FGFR2: variants seen among roughly 807,000 people sequenced by gnomAD.
The protein encoded by FGFR2 is fibroblast growth factor receptor 2, also known as BEK fibroblast growth factor receptor.
Under a neutral mutation model 95.9 loss-of-function variants are expected in FGFR2, and 19 were observed. That is an observed-to-expected ratio of 0.20 (90% confidence interval 0.14 to 0.29). FGFR2 has a LOEUF of 0.29. FGFR2 is among the 10% of genes least tolerant of loss of function. FGFR2 has a pLI of 1.00. For missense variants in FGFR2, 707 were observed against 1,056.9 expected, an observed-to-expected ratio of 0.67 and a Z score of 4.59; for synonymous variants, 392 against 393.3, an observed-to-expected ratio of 1.00 and a Z score of 0.04.
intron 13 of FGFR2, among the ~76,000 whole-genome samples, chr10:121,495,746 C>G (rs1292440280): frequency 6.6e-6 from 1 of 152,148 alleles, no homozygotes; most frequent in Non-Finnish European, 1.5e-5. Context: ...TTTGGGGACC[C>G]AAGGAATTCC....
In FGFR2 at chr10:121,517,223, TAA is replaced by T; in HGVS notation, c.1084+94_1084+95del. ...CATTTTTTATATCTTTATGCAAGGATAAAAGGGGCCATTTCTGATAACAGAAG... is the reference window on the plus strand; with the variant it reads ...CATTTTTTATATCTTTATGCAAGGATAAGGGGCCATTTCTGATAACAGAAG... On this transcript the variant is annotated intron_variant, in intron 8 of 17. Coordinates refer to ENST00000358487, the MANE Select transcript of FGFR2 (RefSeq NM_000141.5). The surrounding 1 kb of genome is among the most constrained non-coding windows in gnomAD (Gnocchi z 4.7). 7.4e-7 allele frequency: 1 copy of T among 1,353,460 alleles called. No individual in the cohort carries two copies. Among genetic ancestry groups the T allele is most frequent in the Non-Finnish European group, 1.1e-6 (1 of 945,570 alleles). 83.8% of individuals were successfully genotyped at this position (1,353,460 alleles called of 1,614,324 possible). A position where few individuals can be genotyped will look rare whatever the true frequency, so the allele number is the denominator to read the frequency against.
intron 2 of FGFR2, among the ~76,000 whole-genome samples, chr10:121,572,065 G>A (rs578161141): frequency 6.7e-6 from 1 of 150,222 alleles, no homozygotes; most frequent in Non-Finnish European, 1.5e-5. Flanking sequence ...TACAATCCCA[G>A]CACTTTGGGA....
intron 5 of FGFR2, among the ~76,000 whole-genome samples, chr10:121,550,738 C>A (rs1252392672): frequency 6.6e-6 from 1 of 152,148 alleles, no homozygotes. Flanking sequence ...ACTTTCGACC[C>A]TTCTGTTATT....
intron 6 of FGFR2, chr10:121,530,174 C>T (rs1277509471): frequency 3.9e-5 from 6 of 152,266 alleles, no homozygotes; most frequent in Non-Finnish European, 8.8e-5. Flanking sequence ...AACCCTACAG[C>T]ATCCTACCTT....
At position 121,531,502 on chromosome 10, in the gene FGFR2, A is replaced by G. The variant is rs1852073435; in HGVS notation, c.748+7090T>C. On this transcript the variant is annotated intron_variant, in intron 6 of 17. Transcript: ENST00000358487. The surrounding 1 kb of genome is among the most constrained non-coding windows in gnomAD (Gnocchi z 4.5). ...AAGGACAGGACTGACCCCTCCTTTC[A>G]TCAGGATGGGCTCAGGGTGCACGGC... Among the ~76,000 whole-genome samples the G allele has an allele frequency of 6.6e-6, 1 of 152,208 alleles. No individual in the cohort carries two copies. The highest frequency in any genetic ancestry group is 2.4e-5 in the African/African-American group (1 of 41,460).
intron 13 of FGFR2, among the ~76,000 whole-genome samples, chr10:121,493,331 A>G (rs1246825207): frequency 3.3e-5 from 5 of 152,186 alleles, no homozygotes; most frequent in Non-Finnish European, 7.3e-5. Flanking sequence ...CCTGCTTAGC[A>G]AAGTTCGTCT....
intron 1 of FGFR2, among the ~76,000 whole-genome samples, chr10:121,596,300 C>G (rs1863422428): frequency 6.6e-6 from 1 of 152,200 alleles, no homozygotes; most frequent in Non-Finnish European, 1.5e-5. Context: ...GAGTGACAAG[C>G]AGGAAGGGCT....
Position 121,479,503 on chromosome 10 carries a change from T to C in FGFR2, c.*354A>G, listed in dbSNP as rs1442831573. 4 of 1,168,132 alleles carry C rather than the reference T, an allele frequency of 3.4e-6. No homozygotes were observed. The highest frequency in any genetic ancestry group is 4.9e-6 in the Non-Finnish European group (4 of 819,102). The allele number at this position is 1,168,132 out of a possible 1,614,324, so 72.4% of individuals were successfully genotyped here. A position where few individuals can be genotyped will look rare whatever the true frequency, so the allele number is the denominator to read the frequency against. Reference sequence around the variant, plus strand: ...ACCTATATACTGCATTTGTGCTCTGTAAGTGTGTGCTGACATAAATCTTCT... The same window carrying C: ...ACCTATATACTGCATTTGTGCTCTGCAAGTGTGTGCTGACATAAATCTTCT... On this transcript the variant is annotated 3_prime_UTR_variant, in exon 18 of 18. Coordinates refer to ENST00000358487, the MANE Select transcript of FGFR2 (RefSeq NM_000141.5).
At chr10:121,529,504 A>G (rs1358627374) in intron 6 of FGFR2, among the ~76,000 whole-genome samples, 2 of 152,256 alleles carry the variant, frequency 1.3e-5, no homozygotes, top group African/African-American at 4.8e-5. Context: ...TTTTTCTAAT[A>G]GAGCATAATT....
chr10:121,597,402 G>C (rs1279970890), intron 1 of FGFR2, among the ~76,000 whole-genome samples: 1 of 152,238 alleles, frequency 6.6e-6, no homozygotes, highest in Non-Finnish European at 1.5e-5. Context: ...CGGCGGCTGC[G>C]GGCGAGGGGC....
rs371714070 is a variant in FGFR2, at chr10:121,565,609, C to T, written c.205G>A (p.Val69Met). ...ACCCCATCCTTAGTCCAACTGATCA[C>T]GGCGGCATCTTTCAACAGGCAGCGC... ...EVRCLLKDAA[V>M]ISWTKDGVHL... The change falls in exon 3 of 18, where the codon GTG (valine) becomes ATG (methionine). Residue 69 changes from valine to methionine, a missense_variant. Transcript: ENST00000358487. 5.0e-6 allele frequency: 8 copies of T among 1,614,120 alleles called. No homozygotes were observed. The highest frequency in any genetic ancestry group is 2.2e-5 in the South Asian group (2 of 91,096).
At chr10:121,579,274 G>C (rs569585890) in intron 2 of FGFR2, among the ~76,000 whole-genome samples, 1 of 152,186 alleles carries the variant, frequency 6.6e-6, no homozygotes, top group African/African-American at 2.4e-5. Context: ...CCTGGCGGGC[G>C]GTTGGAGGTA....
intron 9 of FGFR2, among the ~76,000 whole-genome samples, chr10:121,505,983 T>C (rs1289429703): frequency 3.3e-5 from 5 of 152,076 alleles, no homozygotes; most frequent in Admixed American, 1.3e-4. Context: ...TTCTTCCCCA[T>C]GAACAGGCAA....
chr10:121,527,006 A>C, intron 6 of FGFR2: 1 of 362,518 alleles, frequency 2.8e-6, no homozygotes. Flanking sequence ...CTCCAGCACT[A>C]AAGTCACAAA....
intron 6 of FGFR2, among the ~76,000 whole-genome samples, chr10:121,524,069 T>C (rs1238315604): frequency 6.6e-6 from 1 of 150,858 alleles, no homozygotes; most frequent in Non-Finnish European, 1.5e-5. Flanking sequence ...GCTCCAGTTA[T>C]TAAGTTATTC....
intron 13 of FGFR2, among the ~76,000 whole-genome samples, chr10:121,489,944 T>C (rs1198330934): frequency 6.6e-6 from 1 of 152,190 alleles, no homozygotes; most frequent in Non-Finnish European, 1.5e-5. Flanking sequence ...AAATGACTAG[T>C]CATGTCCTTT....
At chr10:121,543,547 T>C (rs565878401) in intron 5 of FGFR2, among the ~76,000 whole-genome samples, 1 of 152,186 alleles carries the variant, frequency 6.6e-6, no homozygotes, top group East Asian at 1.9e-4. Flanking sequence ...TAAAATCTTA[T>C]TCTCCCATCC....
chr10:121,566,018 T>C (rs1411372880), intron 2 of FGFR2: 1 of 468,736 alleles, frequency 2.1e-6, no homozygotes, highest in Admixed American at 3.4e-5. Context: ...CAAAGCGTGC[T>C]TGCACTGTAA....
At position 121,479,829 on chromosome 10, in the gene FGFR2, C is replaced by T. The variant is rs775669188; in HGVS notation, c.*28G>A. On this transcript the variant is annotated 3_prime_UTR_variant, in exon 18 of 18. Coordinates refer to ENST00000358487, the MANE Select transcript of FGFR2 (RefSeq NM_000141.5). ...GTGTAGCTAGGTTCCCAGTGCTGTC[C>T]TGTTTGGGGACAGGCAGACACAGTC... The T allele has an allele frequency of 6.2e-7, 1 of 1,614,066 alleles. No homozygotes were observed. The highest frequency in any genetic ancestry group is 1.1e-5 in the South Asian group (1 of 91,064).
Sources: gnomAD v4.1 joint callset for allele counts (sites outside exome capture counted in the v4.1 genomes callset) on GRCh38, gnomAD v4.1.1 for gene constraint, Gnocchi (gnomAD v3.1) non-coding constraint, MANE v1.5 for transcripts, NCBI Gene and HGNC (gene_info 2026-07-23, HGNC 2026-07-21) for gene names.